The following PRKG1 variants were observed in gnomAD, a reference collection of about 807,000 sequenced individuals.
PRKG1 encodes the protein protein kinase cGMP-dependent 1, also known as cGMP-dependent protein kinase 1.
PRKG1 carries 35 observed loss-of-function variants against 88.1 expected under a neutral mutation model. The observed-to-expected ratio is 0.40, with a 90% CI of 0.30 to 0.53. The LOEUF is 0.53. Among genes scored for constraint, PRKG1 ranks in the 20% least tolerant of loss-of-function variants. The pLI, the probability that PRKG1 is intolerant of heterozygous loss-of-function variation, is 0.59. For synonymous variants in PRKG1, 303 were observed against 292.5 expected (o/e 1.04, Z -0.37); for missense variants, 540 against 839.8 (o/e 0.64, Z 4.41).
chr10:51,240,946 C>T (rs1256578181), intron 2 of PRKG1, among the ~76,000 whole-genome samples: 1 of 152,098 alleles, frequency 6.6e-6, no homozygotes, highest in Admixed American at 6.6e-5. Flanking sequence ...TGGAATTCTT[C>T]CATTTGTAGT....
At chr10:51,107,754 G>T (rs1290805998) in intron 1 of PRKG1, among the ~76,000 whole-genome samples, 1 of 141,774 alleles carries the variant, frequency 7.1e-6, no homozygotes, top group Non-Finnish European at 1.5e-5. Context: ...AGCCTGGGAA[G>T]TCGCAGTTTC....
chr10:51,599,467 T>C (rs553951839), intron 3 of PRKG1, among the ~76,000 whole-genome samples: 1 of 152,344 alleles, frequency 6.6e-6, no homozygotes, highest in Admixed American at 6.5e-5. Context: ...TTACTTTTCT[T>C]CTAATTTAAT....
At chr10:51,080,392 A>T (rs1279154563) in intron 1 of PRKG1, among the ~76,000 whole-genome samples, 1 of 152,046 alleles carries the variant, frequency 6.6e-6, no homozygotes, top group Non-Finnish European at 1.5e-5. Flanking sequence ...AACACAGATG[A>T]TGTTTCTATT....
chr10:51,244,308 C>CTTT (rs76339310), intron 2 of PRKG1, among the ~76,000 whole-genome samples: 37 of 136,644 alleles, frequency 2.7e-4, no homozygotes, highest in Middle Eastern at 3.9e-3. Flanking sequence ...CCCTTTCTTC[C>CTTT]TTTTTTTTTT....
chr10:52,100,432 A>G (rs959908833), intron 7 of PRKG1, among the ~76,000 whole-genome samples: 3 of 152,222 alleles, frequency 2.0e-5, no homozygotes, highest in Non-Finnish European at 4.4e-5. Context: ...TTCAGTGCAC[A>G]GTCTGTACAA....
At chr10:51,736,281 T>C (rs1232965838) in intron 3 of PRKG1, among the ~76,000 whole-genome samples, 5 of 152,100 alleles carry the variant, frequency 3.3e-5, no homozygotes, top group Non-Finnish European at 7.4e-5. Context: ...TTTATTATCA[T>C]TATTATTTTT....
chr10:52,127,390 C>A (rs1006435181), intron 7 of PRKG1, among the ~76,000 whole-genome samples: 9 of 152,086 alleles, frequency 5.9e-5, no homozygotes, highest in Non-Finnish European at 1.2e-4. Context: ...TGAAGATTTG[C>A]AAGTCACTCA....
At chr10:51,199,146 A>G (rs561904983) in intron 2 of PRKG1, among the ~76,000 whole-genome samples, 3 of 152,242 alleles carry the variant, frequency 2.0e-5, no homozygotes, top group Non-Finnish European at 2.9e-5. Context: ...AGAACCAATT[A>G]GCCAAATGTC....
At chr10:51,251,217 A>G (rs1340934401) in intron 2 of PRKG1, among the ~76,000 whole-genome samples, 1 of 151,782 alleles carries the variant, frequency 6.6e-6, no homozygotes, top group African/African-American at 2.4e-5. Flanking sequence ...CCTTTAAGGC[A>G]GACCAGGCAC....
At chr10:51,214,193 T>G (rs1478220538) in intron 2 of PRKG1, among the ~76,000 whole-genome samples, 1 of 152,200 alleles carries the variant, frequency 6.6e-6, no homozygotes. Context: ...ATGTCACCTA[T>G]GTACACATAT....
chr10:51,155,820 G>A (rs566231063), intron 2 of PRKG1, among the ~76,000 whole-genome samples: 9 of 151,896 alleles, frequency 5.9e-5, no homozygotes, highest in South Asian at 2.1e-4. Context: ...GATGAGGCTC[G>A]CCCACATTAT....
At chr10:51,236,725 C>T (rs759165936) in intron 2 of PRKG1, among the ~76,000 whole-genome samples, 2 of 151,962 alleles carry the variant, frequency 1.3e-5, no homozygotes, top group African/African-American at 4.8e-5. Flanking sequence ...AGGCTGGTCT[C>T]GAACTCCTGA....
At chr10:51,019,255 G>T (rs1007830792) in intron 1 of PRKG1, among the ~76,000 whole-genome samples, 46 of 152,074 alleles carry the variant, frequency 3.0e-4, no homozygotes, top group African/African-American at 1.1e-3. Flanking sequence ...AATAAAGATG[G>T]ACTAACAGTA....
At position 52,251,586 on chromosome 10, in the gene PRKG1, G is replaced by A; in HGVS notation, c.1093G>A (p.Ala365Thr). 1 of 1,613,470 alleles carries A rather than the reference G, an allele frequency of 6.2e-7. No homozygotes were observed. The highest frequency in any genetic ancestry group is 1.1e-5 in the South Asian group (1 of 91,058). The stretch of plus-strand genomic sequence containing the variant: ...AAAATCCAGATATGAAGCTGAAGCG[G>A]CTTTCTTCGCCAACCTGAAGCTGTC... ...EAKAKYEAEA[A>T]FFANLKLSDF... Residue 365 changes from alanine (A) to threonine (T), a missense_variant, in exon 10 of 18, where the codon GCT becomes ACT. Transcript: ENST00000373980.
At chr10:51,840,517 T>TTTTATTTATTTA (rs66516508) in intron 4 of PRKG1, among the ~76,000 whole-genome samples, 41 of 139,854 alleles carry the variant, frequency 2.9e-4, no homozygotes, top group Admixed American at 9.3e-4. Flanking sequence ...GAACCCTCTA[T>TTTTATTTATTTA]TTTATTTATT....
chr10:51,860,398 G>A (rs561252051), intron 4 of PRKG1, among the ~76,000 whole-genome samples: 13 of 152,310 alleles, frequency 8.5e-5, no homozygotes, highest in East Asian at 1.9e-4. Flanking sequence ...AAAAGAGAGC[G>A]TGGTGAATCA....
At chr10:51,037,795 A>T (rs528445280) in intron 1 of PRKG1, among the ~76,000 whole-genome samples, 1 of 151,306 alleles carries the variant, frequency 6.6e-6, no homozygotes, top group East Asian at 1.9e-4. Flanking sequence ...AAAAAAAAAA[A>T]TTAAAAAATA....
chr10:51,354,307 A>G (rs1201127262), intron 2 of PRKG1, among the ~76,000 whole-genome samples: 1 of 152,112 alleles, frequency 6.6e-6, no homozygotes, highest in Non-Finnish European at 1.5e-5. Context: ...CTAAAAGAGT[A>G]TAATTGGATT....
At chr10:51,163,502 G>A (rs945902270) in intron 2 of PRKG1, among the ~76,000 whole-genome samples, 5 of 152,134 alleles carry the variant, frequency 3.3e-5, no homozygotes, top group Admixed American at 1.3e-4. Context: ...CTGAGGTACC[G>A]GGTTCATCTC....
Sources: gnomAD v4.1 joint callset for allele counts (sites outside exome capture counted in the v4.1 genomes callset) on GRCh38, gnomAD v4.1.1 for gene constraint, MANE v1.5 for transcripts, NCBI Gene and HGNC (gene_info 2026-07-23, HGNC 2026-07-21) for gene names.